Variants in PCDH11X observed in about 807,000 individuals in gnomAD.
PCDH11X encodes the protein protocadherin 11 X-linked, also known as protocadherin-11 X-linked.
A neutral mutation model predicts 53.3 loss-of-function variants in PCDH11X; 18 were observed. The observed-to-expected ratio is 0.34, with a 90% CI of 0.23 to 0.50. The LOEUF (loss-of-function observed/expected upper bound fraction) is 0.50, where lower values mean the gene tolerates loss of function less well. PCDH11X is among the 20% of genes least tolerant of loss of function. PCDH11X has a pLI of 0.98. For synonymous variants in PCDH11X, 279 were observed against 393.3 expected (o/e 0.71, Z 3.44); for missense variants, 570 against 1,032.4 (o/e 0.55, Z 6.14).
chrX:91,830,059 A>G (rs1270173724), intron 4 of PCDH11X, among the ~76,000 whole-genome samples: 1 of 111,391 alleles, frequency 9.0e-6, no homozygotes, highest in Non-Finnish European at 1.9e-5. Flanking sequence ...TTGCTTGATT[A>G]TTCTGTAAAG....
chrX:92,218,857 T>C (rs1372318075), intron 7 of PCDH11X, among the ~76,000 whole-genome samples: 2 of 111,443 alleles, frequency 1.8e-5, no homozygotes, highest in African/African-American at 3.3e-5. Context: ...CATGATCAAG[T>C]GGGCTTCATC....
intron 10 of PCDH11X, among the ~76,000 whole-genome samples, chrX:92,583,904 C>G (rs1050736627): frequency 2.0e-5 from 2 of 99,494 alleles, no homozygotes; most frequent in African/African-American, 3.7e-5. Context: ...TATTAAAAAA[C>G]TTATTGAATT....
intron 7 of PCDH11X, among the ~76,000 whole-genome samples, chrX:92,250,667 A>G (rs1332084163): frequency 9.3e-6 from 1 of 107,389 alleles, no homozygotes; most frequent in East Asian, 2.8e-4. Flanking sequence ...ATTTGGCCAT[A>G]AAAAAGGAAT....
intron 8 of PCDH11X, among the ~76,000 whole-genome samples, chrX:92,299,458 A>G (rs1228808232): frequency 9.0e-6 from 1 of 111,082 alleles, no homozygotes; most frequent in Non-Finnish European, 1.9e-5. Context: ...TCTGGTTGGA[A>G]GGCTATTTAT....
intron 8 of PCDH11X, among the ~76,000 whole-genome samples, chrX:92,275,902 T>C (rs2068078538): frequency 1.8e-5 from 2 of 110,167 alleles, no homozygotes; most frequent in African/African-American, 6.6e-5. Flanking sequence ...AGGTATTTTA[T>C]ACTTGTGGGT....
chrX:91,867,119 G>A (rs1239848820), intron 5 of PCDH11X, among the ~76,000 whole-genome samples: 3 of 111,461 alleles, frequency 2.7e-5, no homozygotes, highest in Non-Finnish European at 3.8e-5. Context: ...TAATTTTGGT[G>A]TAATTTCATA....
At chrX:92,418,278 T>G (rs1447888197) in intron 9 of PCDH11X, among the ~76,000 whole-genome samples, 2 of 110,887 alleles carry the variant, frequency 1.8e-5, no homozygotes, top group African/African-American at 6.5e-5. Context: ...TTTTATTATC[T>G]ATAACAGCAG....
chrX:92,509,840 T>A (rs1434736454), intron 10 of PCDH11X, among the ~76,000 whole-genome samples: 2 of 111,932 alleles, frequency 1.8e-5, no homozygotes, highest in South Asian at 3.7e-4. Flanking sequence ...TATAAAATTA[T>A]CGGTACAAAG....
chrX:92,177,545 T>C (rs1265647351), intron 6 of PCDH11X, among the ~76,000 whole-genome samples: 1 of 111,883 alleles, frequency 8.9e-6, no homozygotes, highest in Non-Finnish European at 1.9e-5. Context: ...GGGGCGATTT[T>C]TAAGTTTGCC....
At chrX:92,365,687 G>T (rs1453697257) in intron 8 of PCDH11X, among the ~76,000 whole-genome samples, 1 of 111,800 alleles carries the variant, frequency 8.9e-6, no homozygotes, top group Non-Finnish European at 1.9e-5. Context: ...AGAGTTTTTA[G>T]CATGAAGGGA....
At chrX:92,339,950 G>A (rs1436874358) in intron 8 of PCDH11X, among the ~76,000 whole-genome samples, 1 of 111,284 alleles carries the variant, frequency 9.0e-6, no homozygotes, top group African/African-American at 3.3e-5. Flanking sequence ...CTCATCTGGA[G>A]ATGAGTTTCT....
At chrX:92,152,883 C>T (rs777993884) in intron 6 of PCDH11X, among the ~76,000 whole-genome samples, 6 of 109,580 alleles carry the variant, frequency 5.5e-5, no homozygotes, top group South Asian at 7.9e-4. Context: ...GTGCAACCTC[C>T]GCCTCCCAGG....
Position 91,877,447 on chromosome X carries a change from G to A in PCDH11X, c.1207G>A (p.Glu403Lys). 2 of 1,211,477 alleles carry A rather than the reference G, an allele frequency of 1.7e-6. No individual in the cohort carries two copies. Among genetic ancestry groups the A allele is most frequent in the Non-Finnish European group, 2.2e-6 (2 of 895,430 alleles). ...NGRVTCFTDH[E>K]IPFRLRPVFS... Reference sequence around the variant, plus strand: ...CAGGGTGACATGCTTCACAGATCATGAAATCCCTTTCAGATTAAGGCCAGT... The same window carrying A: ...CAGGGTGACATGCTTCACAGATCATAAAATCCCTTTCAGATTAAGGCCAGT... Residue 403 changes from glutamate to lysine, a missense_variant, in exon 6 of 11, where the codon GAA becomes AAA. By Grantham distance (56) the Glu-to-Lys change is moderately conservative. This residue lies in a region of PCDH11X where 226 missense variants were observed against 457.5 expected (regional missense o/e 0.49). Coordinates refer to ENST00000682573, the MANE Select transcript of PCDH11X (RefSeq NM_032968.5).
intron 6 of PCDH11X, among the ~76,000 whole-genome samples, chrX:92,021,171 T>G (rs1360443855): frequency 9.0e-6 from 1 of 111,342 alleles, no homozygotes; most frequent in Non-Finnish European, 1.9e-5. Flanking sequence ...GGCACAGAAC[T>G]GATTGGAGGA....
At chrX:92,442,162 G>A (rs1478307705) in intron 9 of PCDH11X, among the ~76,000 whole-genome samples, 1 of 111,313 alleles carries the variant, frequency 9.0e-6, no homozygotes, top group Non-Finnish European at 1.9e-5. Flanking sequence ...TAACGAACTT[G>A]CTTTTGATTT....
chrX:92,228,343 G>A (rs182295475), intron 7 of PCDH11X, among the ~76,000 whole-genome samples: 1 of 111,858 alleles, frequency 8.9e-6, no homozygotes, highest in African/African-American at 3.2e-5. Context: ...GAGAAAATGA[G>A]TGCCTAAGTC....
chrX:92,487,383 C>G (rs975020025), intron 10 of PCDH11X, among the ~76,000 whole-genome samples: 1 of 110,745 alleles, frequency 9.0e-6, no homozygotes, highest in African/African-American at 3.3e-5. Context: ...TAAGAAAGGA[C>G]TAGAGAGATA....
intron 10 of PCDH11X, among the ~76,000 whole-genome samples, chrX:92,530,724 C>A (rs1396953021): frequency 9.0e-6 from 1 of 111,601 alleles, no homozygotes; most frequent in African/African-American, 3.2e-5. Context: ...TTTTTTTCAT[C>A]TCTTCTAAAA....
chrX:91,951,709 A>T (rs1464326090), intron 6 of PCDH11X, among the ~76,000 whole-genome samples: 1 of 107,781 alleles, frequency 9.3e-6, no homozygotes, highest in African/African-American at 3.4e-5. Flanking sequence ...TAAACATCAC[A>T]TAAATTGCAT....
Sources: allele counts gnomAD v4.1 joint callset (sites outside exome capture counted in the v4.1 genomes callset), GRCh38; gene constraint gnomAD v4.1.1; regional missense constraint gnomAD v4.1.1; transcripts MANE v1.5; gene names NCBI Gene and HGNC (gene_info 2026-07-23, HGNC 2026-07-21).